SPATS1: variants seen among roughly 807,000 people sequenced by gnomAD.
SPATS1 encodes the protein spermatogenesis-associated serine-rich protein 1.
In SPATS1, 23 loss-of-function variants were observed where a neutral mutation model predicts 33.6. The observed-to-expected ratio is 0.68, with a 90% confidence interval of 0.49 to 0.97. The LOEUF is 0.97. Ranked by LOEUF, SPATS1 falls within the 50% of genes least tolerant of loss-of-function variation. SPATS1 has a pLI of 0.00. For missense variants in SPATS1, 327 were observed against 361.0 expected (o/e 0.91, Z 0.76); for synonymous variants, 131 against 125.6 (o/e 1.04, Z -0.29).
At chr6:44,359,073 A>C (rs1788751098) in intron 3 of SPATS1, among the ~76,000 whole-genome samples, 1 of 151,714 alleles carries the variant, frequency 6.6e-6, no homozygotes, top group Admixed American at 6.6e-5. Flanking sequence ...TGATCCTTCC[A>C]CCTCAGCCTC....
intron 4 of SPATS1, chr6:44,361,623 C>T (rs943352908): frequency 6.2e-6 from 5 of 808,712 alleles, no homozygotes; most frequent in Non-Finnish European, 7.5e-6. Flanking sequence ...AAGACGGCCT[C>T]TTAGATAGCT....
chr6:44,366,248 C>G (rs1789243545), intron 5 of SPATS1, among the ~76,000 whole-genome samples: 1 of 152,008 alleles, frequency 6.6e-6, no homozygotes, highest in South Asian at 2.1e-4. Flanking sequence ...CCTCAGCCTC[C>G]TGAGTAGCTG....
At chr6:44,361,563 A>G in intron 4 of SPATS1, 1 of 982,342 alleles carries the variant, frequency 1.0e-6, no homozygotes. Context: ...TTCCAAACAT[A>G]AAGTTGGCTT....
chr6:44,370,464 C>T (rs1789535662), intron 7 of SPATS1, among the ~76,000 whole-genome samples: 1 of 152,124 alleles, frequency 6.6e-6, no homozygotes, highest in Admixed American at 6.5e-5. Flanking sequence ...TTGCAACTGG[C>T]GAGAATGGTT....
intron 2 of SPATS1, among the ~76,000 whole-genome samples, chr6:44,351,550 C>T (rs7745177): frequency 1.2e-4 from 18 of 152,076 alleles, no homozygotes; most frequent in South Asian, 4.1e-4. Flanking sequence ...TAGTGCTCTA[C>T]GAAATTATGC....
chr6:44,349,971 T>C (rs1788137885), intron 2 of SPATS1, among the ~76,000 whole-genome samples: 1 of 152,200 alleles, frequency 6.6e-6, no homozygotes, highest in Non-Finnish European at 1.5e-5. Context: ...TTCCTTTGGT[T>C]ACTGGGGACC....
chr6:44,348,380 T>A (rs1351217061), intron 2 of SPATS1, among the ~76,000 whole-genome samples: 1 of 152,218 alleles, frequency 6.6e-6, no homozygotes, highest in African/African-American at 2.4e-5. Context: ...ATAGTTCTGA[T>A]AATCTTTATT....
intron 3 of SPATS1, among the ~76,000 whole-genome samples, chr6:44,354,632 C>A (rs2153366462): frequency 6.6e-6 from 1 of 152,176 alleles, no homozygotes; most frequent in South Asian, 2.1e-4. Context: ...AACACATGTA[C>A]AGCCTCCCCC....
intron 2 of SPATS1, 71 bp downstream of exon 2, chr6:44,343,305 G>A (rs1194922857): frequency 1.2e-5 from 18 of 1,556,276 alleles, no homozygotes; most frequent in Non-Finnish European, 1.6e-5. Context: ...GGGGGCGGGG[G>A]CAGGTGGGGG....
chr6:44,346,106 C>A (rs1787863763), intron 2 of SPATS1, among the ~76,000 whole-genome samples: 1 of 151,842 alleles, frequency 6.6e-6, no homozygotes, highest in African/African-American at 2.4e-5. Flanking sequence ...CATGGTGAGA[C>A]CCCATCTCTA....
intron 3 of SPATS1, among the ~76,000 whole-genome samples, chr6:44,357,175 A>G (rs986781875): frequency 2.6e-5 from 4 of 151,852 alleles, no homozygotes; most frequent in African/African-American, 9.7e-5. Flanking sequence ...AACCACATCA[A>G]ATTTCTTCAT....
intron 5 of SPATS1, among the ~76,000 whole-genome samples, chr6:44,364,508 T>C (rs1356893491): frequency 6.6e-6 from 1 of 152,252 alleles, no homozygotes; most frequent in African/African-American, 2.4e-5. Flanking sequence ...CTCTTTCCTG[T>C]GTATTTCCTG....
At chr6:44,350,507 A>G (rs762311488) in intron 2 of SPATS1, among the ~76,000 whole-genome samples, 46 of 152,344 alleles carry the variant, frequency 3.0e-4, no homozygotes, top group Non-Finnish European at 5.9e-4. Context: ...TCTGATGCAG[A>G]TAGGCCTTGC....
intron 5 of SPATS1, among the ~76,000 whole-genome samples, chr6:44,363,159 G>A (rs1272374058): frequency 6.8e-6 from 1 of 148,086 alleles, no homozygotes; most frequent in East Asian, 2.0e-4. Context: ...TTAAGACAAG[G>A]TCTTGCTCTG....
chr6:44,355,190 A>G (rs958199799), intron 3 of SPATS1, among the ~76,000 whole-genome samples: 6 of 140,984 alleles, frequency 4.3e-5, no homozygotes, highest in African/African-American at 1.5e-4. Context: ...CCCCCTGGCA[A>G]CCGCAGATAT....
intron 5 of SPATS1, among the ~76,000 whole-genome samples, chr6:44,365,730 A>G (rs1438036562): frequency 1.3e-5 from 2 of 152,222 alleles, no homozygotes; most frequent in Admixed American, 6.5e-5. Context: ...AGAGTAAGTT[A>G]TTTGGTGAAC....
intron 2 of SPATS1, 49 bp from the exon 3 acceptor site, chr6:44,352,677 G>A (rs768538197): frequency 6.5e-7 from 1 of 1,545,444 alleles, no homozygotes; most frequent in South Asian, 1.1e-5. Context: ...AAATAGGGTG[G>A]AATGTATTTT....
chr6:44,369,538 A>G (rs536992207), intron 6 of SPATS1, among the ~76,000 whole-genome samples: 1 of 151,742 alleles, frequency 6.6e-6, no homozygotes, highest in South Asian at 2.1e-4. Flanking sequence ...CGACAGAGTT[A>G]AGACTCCATC....
chr6:44,364,660 T>C (rs759432500), intron 5 of SPATS1, among the ~76,000 whole-genome samples: 3 of 152,196 alleles, frequency 2.0e-5, no homozygotes, highest in Non-Finnish European at 4.4e-5. Context: ...CAGCACTTGA[T>C]ACTGTCAAGC....
Sources: gnomAD v4.1 joint callset for allele counts (sites outside exome capture counted in the v4.1 genomes callset) on GRCh38, gnomAD v4.1.1 for gene constraint, MANE v1.5 for transcripts, NCBI Gene and HGNC (gene_info 2026-07-23, HGNC 2026-07-21) for gene names.